Variants in ZFYVE9 observed in about 807,000 individuals in gnomAD.
The protein encoded by ZFYVE9 is zinc finger FYVE domain-containing protein 9.
In ZFYVE9, 43 loss-of-function variants were observed where a neutral mutation model predicts 126.7. The observed-to-expected ratio is 0.34, with a 90% CI of 0.27 to 0.44. The LOEUF is 0.44. ZFYVE9 is among the 20% of genes least tolerant of loss of function. ZFYVE9 has a pLI of 1.00. For missense variants in ZFYVE9, 1,476 were observed against 1,697.0 expected (o/e 0.87, Z 2.29); for synonymous variants, 521 against 597.4 (o/e 0.87, Z 1.87).
At chr1:52,151,306 A>C (rs1644354193) in intron 1 of ZFYVE9, among the ~76,000 whole-genome samples, 1 of 152,186 alleles carries the variant, frequency 6.6e-6, no homozygotes, top group Non-Finnish European at 1.5e-5. Flanking sequence ...TGTAACTCTT[A>C]CTAAGGATAT....
rs12044757 is a variant in ZFYVE9 at position 52,185,109 on chromosome 1, A to G, written c.-142-31260A>G. Among the ~76,000 whole-genome samples the G allele has an allele frequency of 9.8e-3, 1,494 of 152,268 alleles. 72 individuals are homozygous for G. The East Asian group carries it at 0.13, about 13-fold the overall frequency. ...GGGTCTGCCTCCGCATTGCAGTACT[A>G]TCTCCCCACTTGCTAACACTCATCC... On this transcript the variant is annotated intron_variant, in intron 1 of 18. Transcript: ENST00000287727.
At chr1:52,294,044 C>T (rs1645950295) in intron 11 of ZFYVE9, among the ~76,000 whole-genome samples, 1 of 152,126 alleles carries the variant, frequency 6.6e-6, no homozygotes, top group Admixed American at 6.5e-5. Flanking sequence ...ACTTAACATA[C>T]TGGAAGCTAG....
chr1:52,232,728 CAAAAA>C (rs552213191), intron 2 of ZFYVE9, among the ~76,000 whole-genome samples: 7 of 27,344 alleles, frequency 2.6e-4, no homozygotes, highest in Admixed American at 4.5e-4. Flanking sequence ...GACTCTGTCT[CAAAAA>C]AAAAAAAAAA....
chr1:52,238,995 G>A lies in ZFYVE9; in HGVS notation c.1578G>A (p.Glu526=). The A allele has an allele frequency of 1.2e-6, 2 of 1,614,096 alleles. No individual in the cohort carries two copies. The highest frequency in any genetic ancestry group is 2.2e-5 in the South Asian group (2 of 91,084). Residue 526 remains glutamate, a synonymous_variant, in exon 4 of 19, where the codon GAG becomes GAA. Transcript: ENST00000287727. ...ATATTTATGAACAGAGAGGAAATGA[G>A]GCCACAGAAGGGAGTGGACTACTTT... The part of the protein sequence containing the change: ...YSNIYEQRGN[E]ATEGSGLLLN...
At chr1:52,177,263 C>T (rs1189062693) in intron 1 of ZFYVE9, among the ~76,000 whole-genome samples, 1 of 152,040 alleles carries the variant, frequency 6.6e-6, no homozygotes, top group Non-Finnish European at 1.5e-5. Flanking sequence ...ACTTCTCCTG[C>T]CTCAGCCTCC....
intron 1 of ZFYVE9, among the ~76,000 whole-genome samples, chr1:52,207,869 A>T (rs1379322687): frequency 6.6e-6 from 1 of 152,236 alleles, no homozygotes; most frequent in Non-Finnish European, 1.5e-5. Context: ...AATAGCTATC[A>T]TTTATTGAGC....
At chr1:52,327,533 C>G (rs1445710362) in intron 13 of ZFYVE9, among the ~76,000 whole-genome samples, 5 of 150,954 alleles carry the variant, frequency 3.3e-5, no homozygotes, top group Admixed American at 3.3e-4. Flanking sequence ...ATCCGGGAGG[C>G]AAGAGGTTGC....
chr1:52,306,747 G>C (rs1048710124), intron 13 of ZFYVE9, among the ~76,000 whole-genome samples: 1 of 152,240 alleles, frequency 6.6e-6, no homozygotes, highest in African/African-American at 2.4e-5. Flanking sequence ...CACATTCCCT[G>C]GTGGCAGCTG....
At chr1:52,273,718 C>T (rs1373936588) in intron 7 of ZFYVE9, among the ~76,000 whole-genome samples, 1 of 150,902 alleles carries the variant, frequency 6.6e-6, no homozygotes, top group Non-Finnish European at 1.5e-5. Context: ...ATCCCAGCTA[C>T]TCGGGAGGCT....
intron 4 of ZFYVE9, among the ~76,000 whole-genome samples, chr1:52,251,077 G>C (rs917079491): frequency 2.1e-5 from 3 of 145,964 alleles, no homozygotes; most frequent in African/African-American, 8.1e-5. Flanking sequence ...TTTGTTTTTT[G>C]TTTTTCTTTT....
chr1:52,322,454 T>C (rs1055612751), intron 13 of ZFYVE9, among the ~76,000 whole-genome samples: 3 of 148,952 alleles, frequency 2.0e-5, no homozygotes, highest in Non-Finnish European at 4.4e-5. Flanking sequence ...CTCGGCTCAC[T>C]GCAACTTCCG....
intron 1 of ZFYVE9, among the ~76,000 whole-genome samples, chr1:52,168,214 CTTTTTTTT>C (rs139943554): frequency 6.7e-4 from 77 of 115,016 alleles, no homozygotes; most frequent in Non-Finnish European, 9.3e-4. Context: ...TCTTCGTCTT[CTTTTTTTT>C]TTTTTTTTTT....
Position 52,255,035 on chromosome 1 carries a change from T to G in ZFYVE9, c.2179-8738T>G, listed in dbSNP as rs559247665. On this transcript the variant is annotated intron_variant, in intron 4 of 18. Coordinates refer to ENST00000287727, the MANE Select transcript of ZFYVE9 (RefSeq NM_004799.4). ...TGAACCCAGGAGGTCGAGGCTGCAG[T>G]GAGCCATGATTGTGCCAGTACACTT... Among the ~76,000 whole-genome samples the G allele has an allele frequency of 2.7e-5, 4 of 149,850 alleles. No individual in the cohort carries two copies. In the South Asian group the frequency reaches 8.4e-4, roughly 31 times the overall value.
chr1:52,261,171 A>G (rs1472471310), intron 4 of ZFYVE9, among the ~76,000 whole-genome samples: 2 of 144,724 alleles, frequency 1.4e-5, no homozygotes, highest in African/African-American at 5.1e-5. Context: ...ACCATTTACC[A>G]CTTTTGAAAC....
chr1:52,342,406 C>T (rs751914280), intron 17 of ZFYVE9, among the ~76,000 whole-genome samples: 2 of 151,474 alleles, frequency 1.3e-5, no homozygotes, highest in Non-Finnish European at 2.9e-5. Context: ...GCTGGGATTA[C>T]AGGCGCCCGC....
intron 2 of ZFYVE9, among the ~76,000 whole-genome samples, chr1:52,225,287 G>A (rs113334523): frequency 2.6e-5 from 4 of 152,156 alleles, no homozygotes; most frequent in Non-Finnish European, 4.4e-5. Context: ...CCACCACAAC[G>A]AGGCAGTGGG....
At chr1:52,253,326 A>G (rs1038876246) in intron 4 of ZFYVE9, among the ~76,000 whole-genome samples, 2 of 152,210 alleles carry the variant, frequency 1.3e-5, no homozygotes, top group African/African-American at 4.8e-5. Context: ...CAATATATAA[A>G]TGGGCAAAAA....
At chr1:52,299,646 A>G (rs1287393525) in intron 12 of ZFYVE9, among the ~76,000 whole-genome samples, 1 of 152,148 alleles carries the variant, frequency 6.6e-6, no homozygotes, top group East Asian at 1.9e-4. Context: ...TCCCTGGGGC[A>G]GGGAGGTGCC....
At chr1:52,277,427 A>G (rs941226885) in intron 8 of ZFYVE9, among the ~76,000 whole-genome samples, 1 of 152,184 alleles carries the variant, frequency 6.6e-6, no homozygotes. Context: ...AAGAACAGTG[A>G]ATTATCTATA....
Sources: allele counts gnomAD v4.1 joint callset (sites outside exome capture counted in the v4.1 genomes callset), GRCh38; gene constraint gnomAD v4.1.1; transcripts MANE v1.5; gene names NCBI Gene and HGNC (gene_info 2026-07-23, HGNC 2026-07-21).